Variants in FMN2 observed in about 807,000 individuals in gnomAD.
FMN2 encodes the protein formin 2, also known as formin-2.
FMN2 carries 51 observed loss-of-function variants against 142.3 expected under a neutral mutation model. The ratio of observed to expected loss-of-function variants is 0.36; its 90% CI spans 0.29 to 0.45. FMN2 has a LOEUF of 0.45. Among genes scored for constraint, FMN2 ranks in the 20% least tolerant of loss-of-function variants. The probability of loss-of-function intolerance (pLI) is 1.00; values close to 1 mark genes in which losing one functional copy is unlikely to be tolerated. For synonymous variants in FMN2, 882 were observed against 869.8 expected (o/e 1.01, Z -0.25); for missense variants, 1,936 against 2,122.8 (o/e 0.91, Z 1.73).
At chr1:240,236,487 T>C (rs1667715562) in intron 6 of FMN2, among the ~76,000 whole-genome samples, 1 of 152,172 alleles carries the variant, frequency 6.6e-6, no homozygotes, top group African/African-American at 2.4e-5. Context: ...GGACTGGGTA[T>C]TTTACAAAGA....
chr1:240,234,389 G>A lies in FMN2; in HGVS notation c.4065+23154G>A, dbSNP rs539179590. Among the ~76,000 whole-genome samples, 37 of 152,286 alleles carry A rather than the reference G, an allele frequency of 2.4e-4. No homozygotes were observed. In the East Asian group the frequency reaches 6.4e-3, roughly 26 times the overall value. On this transcript the variant is annotated intron_variant, in intron 6 of 17. Coordinates refer to ENST00000319653, the MANE Select transcript of FMN2 (RefSeq NM_020066.5). Reference sequence around the variant, plus strand: ...TTCTGTCGGAGAAGATATCAAGGGTGTAGAGATCTTCCAGAAAAGGGAAAA... The same window carrying A: ...TTCTGTCGGAGAAGATATCAAGGGTATAGAGATCTTCCAGAAAAGGGAAAA...
At chr1:240,258,074 T>G in intron 7 of FMN2, 42 bp downstream of exon 7, 1 of 1,492,194 alleles carries the variant, frequency 6.7e-7, no homozygotes, top group South Asian at 1.2e-5. Flanking sequence ...ATATTAAAAT[T>G]TGGGCTGAGG....
At chr1:240,165,117 G>T (rs559989922) in intron 2 of FMN2, among the ~76,000 whole-genome samples, 1 of 152,044 alleles carries the variant, frequency 6.6e-6, no homozygotes, top group Non-Finnish European at 1.5e-5. Flanking sequence ...TTGGCTATTT[G>T]TCAGTTCTAG....
chr1:240,437,631 T>C (rs989296088), intron 15 of FMN2, among the ~76,000 whole-genome samples: 2 of 152,062 alleles, frequency 1.3e-5, no homozygotes, highest in African/African-American at 4.8e-5. Flanking sequence ...CTTCTAACAA[T>C]GTAGGAAGGC....
chr1:240,336,269 G>T (rs1671552626), intron 13 of FMN2, among the ~76,000 whole-genome samples: 1 of 152,142 alleles, frequency 6.6e-6, no homozygotes, highest in Non-Finnish European at 1.5e-5. Flanking sequence ...TGGTAGCACA[G>T]AAGATTAGAT....
chr1:240,142,672 G>A, intron 2 of FMN2: 2 of 1,609,082 alleles, frequency 1.2e-6, no homozygotes, highest in Non-Finnish European at 1.7e-6. Context: ...GTCACTTAGA[G>A]ATCATAATTG....
intron 15 of FMN2, among the ~76,000 whole-genome samples, chr1:240,394,108 G>T (rs1673696767): frequency 6.6e-6 from 1 of 152,152 alleles, no homozygotes; most frequent in Non-Finnish European, 1.5e-5. Flanking sequence ...GCAGCTGGTG[G>T]GTTAGGCAGT....
intron 8 of FMN2, among the ~76,000 whole-genome samples, chr1:240,309,774 T>C (rs1295213502): frequency 6.6e-6 from 1 of 152,108 alleles, no homozygotes; most frequent in Admixed American, 6.5e-5. Flanking sequence ...TCCAGTCCGT[T>C]ATCTCGGATT....
chr1:240,309,842 G>A (rs995491399), intron 8 of FMN2, among the ~76,000 whole-genome samples: 45 of 152,274 alleles, frequency 3.0e-4, no homozygotes, highest in Middle Eastern at 3.4e-3. Context: ...ATGGTAGGGA[G>A]GGTTGAGGTT....
chr1:240,375,677 T>C (rs981830921), intron 14 of FMN2, among the ~76,000 whole-genome samples: 1 of 152,354 alleles, frequency 6.6e-6, no homozygotes, highest in East Asian at 1.9e-4. Flanking sequence ...TTCTACTTTC[T>C]ATCCACATTA....
At chr1:240,120,679 G>A (rs560915805) in intron 1 of FMN2, among the ~76,000 whole-genome samples, 1 of 152,196 alleles carries the variant, frequency 6.6e-6, no homozygotes, top group Admixed American at 6.5e-5. Flanking sequence ...AACTATGAAG[G>A]GTTCCAAAAG....
chr1:240,233,466 C>T (rs1367350782), intron 6 of FMN2, among the ~76,000 whole-genome samples: 2 of 151,944 alleles, frequency 1.3e-5, no homozygotes, highest in Admixed American at 6.6e-5. Context: ...AAAACCATCT[C>T]TCTTGCTAAG....
At chr1:240,244,724 A>T (rs1572109435) in intron 6 of FMN2, among the ~76,000 whole-genome samples, 1 of 152,154 alleles carries the variant, frequency 6.6e-6, no homozygotes, top group Non-Finnish European at 1.5e-5. Flanking sequence ...GTATTTTTTT[A>T]AAACATACAT....
chr1:240,255,092 C>T (rs1668405997), intron 6 of FMN2, among the ~76,000 whole-genome samples: 1 of 152,128 alleles, frequency 6.6e-6, no homozygotes, highest in Admixed American at 6.5e-5. Flanking sequence ...GCTGGGGTCG[C>T]TCACTTAACT....
Position 240,144,269 on chromosome 1 carries a change from A to G in FMN2, c.1782+20924A>G. 4.4e-6 allele frequency: 7 copies of G among 1,602,554 alleles called. No homozygotes were observed. In the Admixed American group the frequency reaches 1.2e-4, roughly 27 times the overall value. On this transcript the variant is annotated intron_variant, in intron 2 of 17. Transcript: ENST00000319653. ...ACTCACAAAAGAGGAGGCCAGGTTC[A>G]TGCGGGCAGAGTCCACCTGAGAGCC... is the stretch of plus-strand genomic sequence containing the variant.
intron 16 of FMN2, among the ~76,000 whole-genome samples, chr1:240,456,122 A>C (rs16840088): frequency 0.043 from 6,564 of 151,980 alleles, 454 homozygotes; most frequent in African/African-American, 0.15. Flanking sequence ...GGAATAATGG[A>C]GTCTACACAC....
At chr1:240,259,320 G>A (rs1668547094) in intron 7 of FMN2, among the ~76,000 whole-genome samples, 1 of 152,118 alleles carries the variant, frequency 6.6e-6, no homozygotes, top group Non-Finnish European at 1.5e-5. Flanking sequence ...ATCTGTGTCT[G>A]TGGTAAAGCC....
At chr1:240,317,879 G>A (rs4659961) in intron 8 of FMN2, among the ~76,000 whole-genome samples, 90,201 of 151,984 alleles carry the variant, frequency 0.59, 29,218 homozygotes, top group African/African-American at 0.87. Context: ...TATATGAGAG[G>A]TCCAATTTTG....
chr1:240,124,691 GT>G (rs976032468), intron 2 of FMN2, among the ~76,000 whole-genome samples: 3 of 151,592 alleles, frequency 2.0e-5, no homozygotes, highest in African/African-American at 7.3e-5. Flanking sequence ...TTTTTGAGAC[GT>G]AGTCTCACTC....
Sources: allele counts gnomAD v4.1 joint callset (sites outside exome capture counted in the v4.1 genomes callset), GRCh38; gene constraint gnomAD v4.1.1; transcripts MANE v1.5; gene names NCBI Gene and HGNC (gene_info 2026-07-23, HGNC 2026-07-21).